UPF1: variants seen among roughly 807,000 people sequenced by gnomAD.
UPF1 encodes regulator of nonsense transcripts 1.
Under a neutral mutation model 129.2 loss-of-function variants are expected in UPF1, and 9 were observed. That is an observed-to-expected ratio of 0.07 (90% CI 0.04 to 0.12). UPF1 has a LOEUF of 0.12. UPF1 is among the 10% of genes least tolerant of loss of function. UPF1 has a pLI of 1.00. For missense variants in UPF1, 788 were observed against 1,525.3 expected, an observed-to-expected ratio of 0.52 and a Z score of 8.05; for synonymous variants, 649 against 644.9, an observed-to-expected ratio of 1.01 and a Z score of -0.10.
At chr19:18,833,831 T>C (rs1015180500) in intron 1 of UPF1, among the ~76,000 whole-genome samples, 2 of 152,190 alleles carry the variant, frequency 1.3e-5, no homozygotes, top group Admixed American at 1.3e-4. Flanking sequence ...GCTTACGTGG[T>C]AGTCGATTGA....
intron 17 of UPF1, among the ~76,000 whole-genome samples, chr19:18,861,789 CTG>C (rs2055782652): frequency 6.6e-6 from 1 of 152,208 alleles, no homozygotes; most frequent in African/African-American, 2.4e-5. Flanking sequence ...GATTGTACCA[CTG>C]TACTCTAGCC....
chr19:18,844,334 T>C (rs997044347), intron 1 of UPF1, among the ~76,000 whole-genome samples: 3 of 151,662 alleles, frequency 2.0e-5, no homozygotes, highest in African/African-American at 7.3e-5. Flanking sequence ...TTTCTTTTTT[T>C]TTTTGAGATG....
chr19:18,856,132 T>C (rs763224195), intron 12 of UPF1, 43 bp downstream of exon 12: 1 of 1,608,018 alleles, frequency 6.2e-7, no homozygotes. Flanking sequence ...CCTGAGCTTC[T>C]GCGGGTGACA....
Position 18,855,162 on chromosome 19 carries a change from C to T in UPF1, c.1464C>T (p.Ser488=). The part of the protein sequence containing the change: ...AVKTVLQRPL[S]LIQGPPGTGK... ...AGACTGTGCTGCAAAGACCACTGAG[C>T]CTGATCCAGGGCCCGCCAGGCACGG... The change falls in exon 11 of 24, where the codon AGC becomes AGT. Residue 488 remains serine, a synonymous_variant. Transcript: ENST00000262803. 6.2e-7 allele frequency: 1 copy of T among 1,613,880 alleles called. No individual in the cohort carries two copies. The highest frequency in any genetic ancestry group is 8.5e-7 in the Non-Finnish European group (1 of 1,179,994).
In UPF1 at chr19:18,850,423, C is replaced by T. The variant is rs577749023; in HGVS notation, c.629+181C>T. On this transcript the variant is annotated intron_variant, in intron 4 of 23. Transcript: ENST00000262803. The surrounding 1 kb of genome is among the most constrained non-coding windows in gnomAD (Gnocchi z 7.1). ...GCGCTGAGGCTTGTTAAGGAGTCGG[C>T]AGTGCCGTGTAACTCTTTTGGGGCG... is the stretch of plus-strand genomic sequence containing the variant. Among the ~76,000 whole-genome samples, 45 of 152,250 alleles carry T rather than the reference C, an allele frequency of 3.0e-4. No individual in the cohort carries two copies. Among genetic ancestry groups the T allele is most frequent in the Non-Finnish European group, 5.6e-4 (38 of 68,048 alleles).
chr19:18,847,282 G>A (rs148897380), intron 2 of UPF1, among the ~76,000 whole-genome samples: 29 of 152,222 alleles, frequency 1.9e-4, no homozygotes, highest in Non-Finnish European at 4.0e-4. Context: ...CCAGTGGTGG[G>A]GTGAGGCTCT....
chr19:18,857,279 C>T, intron 14 of UPF1, 41 bp from the exon 15 acceptor site: 1 of 1,585,526 alleles, frequency 6.3e-7, no homozygotes, highest in African/African-American at 1.4e-5. Flanking sequence ...GGCTGATTCA[C>T]ACCTGAGCTT....
chr19:18,848,623 G>T (rs1268616346), intron 3 of UPF1, among the ~76,000 whole-genome samples: 4 of 152,030 alleles, frequency 2.6e-5, no homozygotes, highest in Admixed American at 2.6e-4. Context: ...AGGCTTACTT[G>T]TGCTGACACA....
rs1461561800 is a variant in UPF1 at position 18,856,886 on chromosome 19, G to A, written c.1834G>A (p.Val612Ile). Reference protein sequence around the residue: ...AERELLMNADVICCTCVGAGD... With the variant: ...AERELLMNADIICCTCVGAGD... ...CTGCACCCTTCCCCAGAACGCAGAT[G>A]TCATCTGCTGCACATGTGTGGGCGC... Residue 612 changes from valine to isoleucine, a missense_variant, in exon 14 of 24, where the codon GTC (valine) becomes ATC (isoleucine). By Grantham distance (29) the Val-to-Ile change is conservative. This residue lies in a region of UPF1 where 140 missense variants were observed against 385.9 expected (regional missense o/e 0.36). Transcript: ENST00000262803. 6.2e-7 allele frequency: 1 copy of A among 1,611,348 alleles called. No homozygotes were observed. The highest frequency in any genetic ancestry group is 1.1e-5 in the South Asian group (1 of 90,974).
chr19:18,842,660 C>T (rs145275263), intron 1 of UPF1, among the ~76,000 whole-genome samples: 2 of 152,080 alleles, frequency 1.3e-5, no homozygotes, highest in Non-Finnish European at 2.9e-5. Flanking sequence ...GGTGAACTTC[C>T]TATTCCCTCC....
intron 17 of UPF1, 119 bp downstream of exon 17, chr19:18,861,101 A>T: frequency 1.5e-6 from 2 of 1,366,784 alleles, no homozygotes; most frequent in South Asian, 2.9e-5. Flanking sequence ...TGGCCCAGGA[A>T]GCACCAGCTG....
chr19:18,834,979 A>G (rs2055468310), intron 1 of UPF1, among the ~76,000 whole-genome samples: 1 of 152,220 alleles, frequency 6.6e-6, no homozygotes, highest in Non-Finnish European at 1.5e-5. Context: ...CAATTTACCC[A>G]TATAAAGTGT....
chr19:18,839,400 A>T (rs573009377), intron 1 of UPF1, among the ~76,000 whole-genome samples: 4 of 152,056 alleles, frequency 2.6e-5, no homozygotes. Flanking sequence ...GGCCCCTTTA[A>T]GTATAGAACT....
At position 18,832,523 on chromosome 19, in the gene UPF1, TG is replaced by T. The variant is rs1379106441; in HGVS notation, c.231+84del. On this transcript the variant is annotated intron_variant, in intron 1 of 23. Transcript: ENST00000262803. The surrounding 1 kb of genome is among the most constrained non-coding windows in gnomAD (Gnocchi z 5.6). Reference sequence around the variant, plus strand: ...CCCCGAACTCGCCTCGGGCCCGGCCTGTGTTTGGCCGGAGTCCCCCATCGCG... The same window carrying T: ...CCCCGAACTCGCCTCGGGCCCGGCCTTGTTTGGCCGGAGTCCCCCATCGCG... 1.1e-6 allele frequency: 1 copy of T among 949,746 alleles called. No homozygotes were observed. The highest frequency in any genetic ancestry group is 1.3e-6 in the Non-Finnish European group (1 of 795,924). 58.8% of individuals were successfully genotyped at this position (949,746 alleles called of 1,614,324 possible).
intron 1 of UPF1, among the ~76,000 whole-genome samples, chr19:18,835,754 C>T (rs2055477237): frequency 6.6e-6 from 1 of 152,196 alleles, no homozygotes; most frequent in Non-Finnish European, 1.5e-5. Context: ...GTTGTTTCCA[C>T]CTCTTGGCTT....
intron 15 of UPF1, chr19:18,859,445 C>T (rs1374374120): frequency 1.3e-5 from 2 of 152,248 alleles, no homozygotes; most frequent in Non-Finnish European, 2.9e-5. Context: ...GAGAAGCCGC[C>T]TCATCCCTGC....
chr19:18,852,786 G>A (rs943466442), intron 6 of UPF1, among the ~76,000 whole-genome samples: 2 of 152,106 alleles, frequency 1.3e-5, no homozygotes, highest in South Asian at 4.1e-4. Context: ...GGATTGGCCT[G>A]TGTGTGTTCC....
chr19:18,860,027 G>A lies in UPF1; in HGVS notation c.2183-294G>A, dbSNP rs2055760520. 8.2e-6 allele frequency: 3 copies of A among 367,182 alleles called. No homozygotes were observed. The South Asian group carries it at 1.3e-4, about 16-fold the overall frequency. The allele number at this position is 367,182 out of a possible 1,614,324, so 22.7% of individuals were successfully genotyped here. A position where few individuals can be genotyped will look rare whatever the true frequency, so the allele number is the denominator to read the frequency against. ...GGAGAATATCCTGTATCCTGGGGTT[G>A]GCAGAGATCCAGGCTGCAAGAAAGC... is the stretch of plus-strand genomic sequence containing the variant. On this transcript the variant is annotated intron_variant, in intron 15 of 23. Transcript: ENST00000262803.
chr19:18,841,433 C>T (rs889738633), intron 1 of UPF1, among the ~76,000 whole-genome samples: 1 of 152,222 alleles, frequency 6.6e-6, no homozygotes, highest in African/African-American at 2.4e-5. Flanking sequence ...ACACAAGCAG[C>T]GTCAACAATG....
Sources: gnomAD v4.1 joint callset for allele counts (sites outside exome capture counted in the v4.1 genomes callset) on GRCh38, gnomAD v4.1.1 for gene constraint, gnomAD v4.1.1 regional missense constraint, Gnocchi (gnomAD v3.1) non-coding constraint, MANE v1.5 for transcripts, NCBI Gene and HGNC (gene_info 2026-07-23, HGNC 2026-07-21) for gene names.